The following CCNJL variants were observed in gnomAD, a reference collection of about 807,000 sequenced individuals.
CCNJL encodes cyclin J like.
A neutral mutation model predicts 33.4 loss-of-function variants in CCNJL; 33 were observed. That is an observed-to-expected ratio of 0.99 (90% confidence interval 0.75 to 1.32). The LOEUF is 1.32. Ranked by LOEUF, CCNJL falls within the 40% of genes most tolerant of loss-of-function variation. The pLI is 0.00. For missense variants in CCNJL, 512 were observed against 499.7 expected, an observed-to-expected ratio of 1.02 and a Z score of -0.23; for synonymous variants, 227 against 220.9, an observed-to-expected ratio of 1.03 and a Z score of -0.24.
chr5:160,281,967 T>C (rs1762230275), intron 2 of CCNJL, among the ~76,000 whole-genome samples: 1 of 152,216 alleles, frequency 6.6e-6, no homozygotes, highest in African/African-American at 2.4e-5. Flanking sequence ...AGACACTACT[T>C]GTTTAGGAAA....
chr5:160,287,111 A>G (rs1426694691), intron 2 of CCNJL, among the ~76,000 whole-genome samples: 1 of 152,094 alleles, frequency 6.6e-6, no homozygotes, highest in Non-Finnish European at 1.5e-5. Context: ...TAGTTCCACT[A>G]TTTACCAACC....
In CCNJL at chr5:160,253,535, G is replaced by A; in HGVS notation, c.1007C>T (p.Pro336Leu). 5 of 1,614,198 alleles carry A rather than the reference G, an allele frequency of 3.1e-6. No individual in the cohort carries two copies. Among genetic ancestry groups the A allele is most frequent in the South Asian group, 2.2e-5 (2 of 91,082 alleles). Residue 336 changes from proline to leucine, a missense_variant, in exon 6 of 6, where the codon CCG becomes CTG. By Grantham distance (98) the Pro-to-Leu change is moderately conservative. Transcript: ENST00000257536. ...GGGACACATATCCAAGGGCTGCAGC[G>A]GTTGGTACGGGGTGTGGAGGGATGA... ...TGSSLHTPYQ[P>L]LQPLDMCPVP...
At chr5:160,335,750 T>A (rs7722443) in intron 1 of CCNJL, among the ~76,000 whole-genome samples, 8,889 of 51,060 alleles carry the variant, frequency 0.17, 565 homozygotes, top group African/African-American at 0.26. Flanking sequence ...TTTTTTGAAA[T>A]TTTTTTTTTT....
chr5:160,262,277 G>A (rs924592771), intron 3 of CCNJL, among the ~76,000 whole-genome samples: 25 of 152,290 alleles, frequency 1.6e-4, no homozygotes, highest in African/African-American at 6.0e-4. Flanking sequence ...TGCTCAATCA[G>A]ATTAGTTTCC....
At chr5:160,272,718 G>A (rs556677756) in intron 3 of CCNJL, among the ~76,000 whole-genome samples, 2 of 152,278 alleles carry the variant, frequency 1.3e-5, no homozygotes, top group Non-Finnish European at 2.9e-5. Context: ...TCAAATTTAC[G>A]GAAAAACGGG....
At chr5:160,309,398 G>C (rs1763195753) in intron 2 of CCNJL, among the ~76,000 whole-genome samples, 1 of 152,196 alleles carries the variant, frequency 6.6e-6, no homozygotes, top group South Asian at 2.1e-4. Flanking sequence ...GGTCAGGTGA[G>C]GATAATTGCT....
chr5:160,293,897 T>G (rs1410164863), intron 2 of CCNJL, among the ~76,000 whole-genome samples: 1 of 151,934 alleles, frequency 6.6e-6, no homozygotes, highest in Non-Finnish European at 1.5e-5. Context: ...GCTGAGCTGC[T>G]CTCAAACACC....
intron 2 of CCNJL, among the ~76,000 whole-genome samples, chr5:160,293,557 A>G (rs1762653970): frequency 6.6e-6 from 1 of 152,224 alleles, no homozygotes; most frequent in Admixed American, 6.5e-5. Context: ...GAGAATGTAC[A>G]CATGTCGGCA....
chr5:160,253,279 G>A lies in CCNJL; in HGVS notation c.*99C>T. 8.2e-7 allele frequency: 1 copy of A among 1,218,842 alleles called. No homozygotes were observed. Among genetic ancestry groups the A allele is most frequent in the South Asian group, 1.5e-5 (1 of 64,586 alleles). 75.5% of individuals were successfully genotyped at this position (1,218,842 alleles called of 1,614,324 possible). A position where few individuals can be genotyped will look rare whatever the true frequency, so the allele number is the denominator to read the frequency against. On this transcript the variant is annotated 3_prime_UTR_variant, in exon 6 of 6. Coordinates refer to ENST00000257536, the MANE Select transcript of CCNJL (RefSeq NM_001308173.3). ...CCCTCCACGTTCCAAGGCTCTTCAG[G>A]GATGGCCTCCTGCTGCCTCACTTGG...
rs1331252071 is a variant in CCNJL, at chr5:160,251,874, G to A, written c.*1504C>T. ...TATGCTAGTGTGACACGGTGGCAGA[G>A]TCTTATCCACACCCCGTCTCTTTTC... On this transcript the variant is annotated 3_prime_UTR_variant, in exon 6 of 6. Coordinates refer to ENST00000257536, the MANE Select transcript of CCNJL (RefSeq NM_001308173.3). The A allele has an allele frequency of 6.6e-6, 1 of 152,166 alleles. No individual in the cohort carries two copies. The highest frequency in any genetic ancestry group is 2.4e-5 in the African/African-American group (1 of 41,440). The allele number at this position is 152,166 out of a possible 1,614,324, so 9.4% of individuals were successfully genotyped here. A position where few individuals can be genotyped will look rare whatever the true frequency, so the allele number is the denominator to read the frequency against.
intron 2 of CCNJL, among the ~76,000 whole-genome samples, chr5:160,283,844 A>T (rs2113367377): frequency 6.6e-6 from 1 of 151,160 alleles, no homozygotes; most frequent in Non-Finnish European, 1.5e-5. Flanking sequence ...TTTGATTTTT[A>T]GATTCCACAA....
In CCNJL at chr5:160,254,489, G is replaced by C. The variant is rs1580939155; in HGVS notation, c.744-691C>G. On this transcript the variant is annotated intron_variant, in intron 5 of 5. Coordinates refer to ENST00000257536, the MANE Select transcript of CCNJL (RefSeq NM_001308173.3). ...CACAAATTTTAAAATAAGGCCTACG[G>C]AGTAGGACTGACTTTTCAGAGGAAT... 8 of 471,282 alleles carry C rather than the reference G, an allele frequency of 1.7e-5. No individual in the cohort carries two copies. The East Asian group carries it at 2.7e-4, about 16-fold the overall frequency. The allele number at this position is 471,282 out of a possible 1,614,324, so 29.2% of individuals were successfully genotyped here.
At chr5:160,287,778 A>G (rs1762455740) in intron 2 of CCNJL, among the ~76,000 whole-genome samples, 1 of 152,214 alleles carries the variant, frequency 6.6e-6, no homozygotes, top group Admixed American at 6.5e-5. Flanking sequence ...GCAATCAGGC[A>G]GGCGCTGGGC....
intron 3 of CCNJL, among the ~76,000 whole-genome samples, chr5:160,272,725 C>T (rs1761880508): frequency 6.6e-6 from 1 of 152,166 alleles, no homozygotes; most frequent in Non-Finnish European, 1.5e-5. Context: ...TACGGAAAAA[C>T]GGGTCTCATC....
At chr5:160,255,803 A>C (rs1287672054) in intron 4 of CCNJL, 95 bp from the exon 5 acceptor site, 5 of 1,116,368 alleles carry the variant, frequency 4.5e-6, no homozygotes, top group Non-Finnish European at 6.6e-6. Flanking sequence ...ATCGCTTTCA[A>C]GGCTTTTCAT....
intron 2 of CCNJL, among the ~76,000 whole-genome samples, chr5:160,307,547 G>A (rs1170574247): frequency 1.3e-5 from 2 of 152,040 alleles, no homozygotes; most frequent in Admixed American, 6.6e-5. Flanking sequence ...AAATGGCCCC[G>A]AGTTTTAATC....
chr5:160,292,746 A>G (rs1218520282), intron 2 of CCNJL, among the ~76,000 whole-genome samples: 2 of 152,016 alleles, frequency 1.3e-5, no homozygotes, highest in African/African-American at 4.8e-5. Context: ...ATTTTTTTCT[A>G]TAATTTGGCA....
chr5:160,256,974 A>T (rs907238155), intron 4 of CCNJL, among the ~76,000 whole-genome samples: 7 of 152,040 alleles, frequency 4.6e-5, no homozygotes, highest in Non-Finnish European at 1.0e-4. Flanking sequence ...TGCCTTTTAA[A>T]GATCAGTTCA....
chr5:160,284,449 C>A (rs979953459), intron 2 of CCNJL, among the ~76,000 whole-genome samples: 51 of 152,334 alleles, frequency 3.3e-4, no homozygotes, highest in Admixed American at 2.0e-3. Flanking sequence ...CGTTATCACC[C>A]ACAGTCATGG....
Sources: allele counts gnomAD v4.1 joint callset (sites outside exome capture counted in the v4.1 genomes callset), GRCh38; gene constraint gnomAD v4.1.1; transcripts MANE v1.5; gene names NCBI Gene and HGNC (gene_info 2026-07-23, HGNC 2026-07-21).